Variants in AKAP8L observed in about 807,000 individuals in gnomAD.
AKAP8L encodes the protein A-kinase anchoring protein 8 like, also known as A-kinase anchor protein 8-like.
AKAP8L carries 34 observed loss-of-function variants against 77.5 expected under a neutral mutation model. That is an observed-to-expected ratio of 0.44 (90% CI 0.33 to 0.58). AKAP8L has a LOEUF of 0.58. AKAP8L is among the 20% of genes least tolerant of loss of function. The probability of loss-of-function intolerance (pLI) is 0.02; values close to 1 mark genes in which losing one functional copy is unlikely to be tolerated. For synonymous variants in AKAP8L, 342 were observed against 340.7 expected (o/e 1.00, Z -0.04); for missense variants, 806 against 887.6 (o/e 0.91, Z 1.17).
chr19:15,392,317 G>T (rs1967679873), intron 12 of AKAP8L, among the ~76,000 whole-genome samples: 2 of 151,956 alleles, frequency 1.3e-5, no homozygotes. Flanking sequence ...GCAACATGGT[G>T]AAACCCTGTC....
rs572718257 is a variant in AKAP8L at position 15,384,363 on chromosome 19, G to A, written c.1537-3751C>T. Among the ~76,000 whole-genome samples, 181 of 147,456 alleles carry A rather than the reference G, an allele frequency of 1.2e-3. 1 individual carries two copies. Among genetic ancestry groups the A allele is most frequent in the African/African-American group, 4.3e-3 (172 of 39,698 alleles). ...TGCCCAGGCTGGAGTGCAATGGCGCGATCTTGGCTCACTGCAACCTCCGCC... is the reference window on the plus strand; with the variant it reads ...TGCCCAGGCTGGAGTGCAATGGCGCAATCTTGGCTCACTGCAACCTCCGCC... On this transcript the variant is annotated intron_variant, in intron 12 of 13. Transcript: ENST00000397410.
At position 15,403,743 on chromosome 19, in the gene AKAP8L, G is replaced by C. The variant is rs1425004623; in HGVS notation, c.122-28C>G. 1.3e-6 allele frequency: 2 copies of C among 1,526,614 alleles called. No homozygotes were observed. Among genetic ancestry groups the C allele is most frequent in the East Asian group, 4.9e-5 (2 of 41,146 alleles). 94.6% of individuals were successfully genotyped at this position (1,526,614 alleles called of 1,614,324 possible). A position where few individuals can be genotyped will look rare whatever the true frequency, so the allele number is the denominator to read the frequency against. ...GCAGTGAGGGAGACAGAGACAGACAGATGGTGGGGGCAGGCAGAGGGGAGG... is the reference window on the plus strand; with the variant it reads ...GCAGTGAGGGAGACAGAGACAGACACATGGTGGGGGCAGGCAGAGGGGAGG... On this transcript the variant is annotated intron_variant, in intron 3 of 13. Coordinates refer to ENST00000397410, the MANE Select transcript of AKAP8L (RefSeq NM_014371.4). The surrounding 1 kb of genome is among the most constrained non-coding windows in gnomAD (Gnocchi z 4.3).
chr19:15,405,908 C>T (rs1291103316), intron 2 of AKAP8L, among the ~76,000 whole-genome samples: 2 of 150,620 alleles, frequency 1.3e-5, no homozygotes, highest in African/African-American at 2.4e-5. Flanking sequence ...GGCGACCGAG[C>T]GAGACTCTGT....
intron 2 of AKAP8L, among the ~76,000 whole-genome samples, chr19:15,407,548 G>A (rs920788935): frequency 6.6e-6 from 1 of 152,182 alleles, no homozygotes; most frequent in Non-Finnish European, 1.5e-5. Flanking sequence ...AGGTCAATCT[G>A]TAAGTCAAAT....
chr19:15,392,443 G>A (rs1372259690), intron 12 of AKAP8L, among the ~76,000 whole-genome samples: 3 of 151,660 alleles, frequency 2.0e-5, no homozygotes, highest in African/African-American at 7.3e-5. Flanking sequence ...GCTGTAGTGA[G>A]TCATGATGGT....
chr19:15,380,245 C>T lies in AKAP8L; in HGVS notation c.1818G>A (p.Pro606=). ...APGAVSPPPP[P]PPEEEEEGAV... Reference sequence around the variant, plus strand: ...CGCCCTCCTCCTCCTCCTCTGGGGGCGGCGGCGGTGGCGGCGACACGGCCC... The same window carrying T: ...CGCCCTCCTCCTCCTCCTCTGGGGGTGGCGGCGGTGGCGGCGACACGGCCC... The change falls in exon 14 of 14, where the codon CCG becomes CCA. Residue 606 remains proline (P), a synonymous_variant. Coordinates refer to ENST00000397410, the MANE Select transcript of AKAP8L (RefSeq NM_014371.4). The T allele has an allele frequency of 6.7e-7, 1 of 1,498,692 alleles. No homozygotes were observed. Among genetic ancestry groups the T allele is most frequent in the East Asian group, 2.7e-5 (1 of 37,552 alleles). The allele number at this position is 1,498,692 out of a possible 1,614,324, so 92.8% of individuals were successfully genotyped here. A position where few individuals can be genotyped will look rare whatever the true frequency, so the allele number is the denominator to read the frequency against.
chr19:15,386,858 G>C (rs1484299432), intron 12 of AKAP8L, among the ~76,000 whole-genome samples: 2 of 152,022 alleles, frequency 1.3e-5, no homozygotes, highest in Admixed American at 6.6e-5. Flanking sequence ...GGGGTTTCAC[G>C]ATGTTGTCCA....
chr19:15,401,062 A>G lies in AKAP8L; in HGVS notation c.817-19T>C. ...TCTTGGTCTGGGTCATAAGGGGGGG[A>G]AGCCGTGTCAGGGTGCATGGCACCC... On this transcript the variant is annotated intron_variant, in intron 5 of 13. Transcript: ENST00000397410. This position sits in a 1 kb window ranked among gnomAD's most constrained non-coding sequence, Gnocchi z 6.2. 1 of 1,610,138 alleles carries G rather than the reference A, an allele frequency of 6.2e-7. No individual in the cohort carries two copies. The highest frequency in any genetic ancestry group is 8.5e-7 in the Non-Finnish European group (1 of 1,179,754).
rs780723512 is a variant in AKAP8L, at chr19:15,403,654, A to G, written c.183T>C (p.Tyr61=). The G allele has an allele frequency of 4.3e-6, 7 of 1,613,340 alleles. No individual in the cohort carries two copies. The highest frequency in any genetic ancestry group is 5.9e-6 in the Non-Finnish European group (7 of 1,179,614). The change falls in exon 4 of 14, where the codon TAT becomes TAC. Residue 61 remains tyrosine, a synonymous_variant. Transcript: ENST00000397410. This position sits in a 1 kb window ranked among gnomAD's most constrained non-coding sequence, Gnocchi z 4.3. ...CCCAAGAGTGTGAAGTGGCCATACC[A>G]TACCCATAGTTGGTGGTGTTATCCT... is the stretch of plus-strand genomic sequence containing the variant. The part of the protein sequence containing the change: ...YGQDNTTNYG[Y]GMATSHSWEM...
chr19:15,415,361 AG>A (rs1968184068), intron 1 of AKAP8L, among the ~76,000 whole-genome samples: 1 of 151,980 alleles, frequency 6.6e-6, no homozygotes, highest in Non-Finnish European at 1.5e-5. Context: ...TGAGCACAGG[AG>A]GGCGAGGCTG....
intron 1 of AKAP8L, among the ~76,000 whole-genome samples, chr19:15,411,126 T>C (rs1166289616): frequency 6.6e-6 from 1 of 152,124 alleles, no homozygotes; most frequent in Non-Finnish European, 1.5e-5. Flanking sequence ...AAATAAAAAT[T>C]TTTAAACATT....
chr19:15,391,231 CG>C (rs1967652131), intron 12 of AKAP8L, among the ~76,000 whole-genome samples: 1 of 151,812 alleles, frequency 6.6e-6, no homozygotes, highest in Admixed American at 6.6e-5. Context: ...GAGGCCGAGG[CG>C]GGTGGATCAT....
chr19:15,380,515 A>C lies in AKAP8L; in HGVS notation c.1632+2T>G. The C allele has an allele frequency of 6.2e-7, 1 of 1,613,826 alleles. No individual in the cohort carries two copies. Among genetic ancestry groups the C allele is most frequent in the Non-Finnish European group, 8.5e-7 (1 of 1,179,880 alleles). ...CAGGGCAGGCCCGGACCAGTGCCTC[A>C]CCTTCAGGTAGCGCTCCAGCTTCTT... On this transcript the variant is annotated splice_donor_variant, in intron 13 of 13. Coordinates refer to ENST00000397410, the MANE Select transcript of AKAP8L (RefSeq NM_014371.4). LOFTEE classifies it high-confidence loss of function.
At chr19:15,384,422 CCT>C (rs1258452507) in intron 12 of AKAP8L, among the ~76,000 whole-genome samples, 6 of 151,704 alleles carry the variant, frequency 4.0e-5, no homozygotes, top group African/African-American at 7.3e-5. Context: ...GCCTCAGCCC[CCT>C]GAGTAGCTGA....
At chr19:15,391,085 G>A (rs1967649557) in intron 12 of AKAP8L, among the ~76,000 whole-genome samples, 1 of 152,110 alleles carries the variant, frequency 6.6e-6, no homozygotes, top group South Asian at 2.1e-4. Context: ...AAGAAATAAA[G>A]TGCATCTAGA....
intron 8 of AKAP8L, chr19:15,400,076 G>T: frequency 1.7e-6 from 1 of 602,442 alleles, no homozygotes; most frequent in South Asian, 2.0e-5. Flanking sequence ...GCTAGGCAGG[G>T]GTCACCACCA....
chr19:15,408,764 C>G (rs565866772), intron 2 of AKAP8L, among the ~76,000 whole-genome samples: 1 of 146,436 alleles, frequency 6.8e-6, no homozygotes, highest in Non-Finnish European at 1.5e-5. Flanking sequence ...GGCAACTGCT[C>G]GGGAGGCTGA....
chr19:15,403,942 C>A lies in AKAP8L; in HGVS notation c.121+68G>T, dbSNP rs1967950383. On this transcript the variant is annotated intron_variant, in intron 3 of 13. Coordinates refer to ENST00000397410, the MANE Select transcript of AKAP8L (RefSeq NM_014371.4). This position sits in a 1 kb window ranked among gnomAD's most constrained non-coding sequence, Gnocchi z 4.3. The stretch of plus-strand genomic sequence containing the variant: ...CACTCCCAACCTTGGCCAAGCAGGG[C>A]AGTGGCAGAGAAACACAGCCAGGAC... 6.4e-7 allele frequency: 1 copy of A among 1,572,592 alleles called. No homozygotes were observed. The highest frequency in any genetic ancestry group is 8.7e-7 in the Non-Finnish European group (1 of 1,144,992).
intron 2 of AKAP8L, among the ~76,000 whole-genome samples, chr19:15,410,147 T>G (rs537462070): frequency 1.3e-5 from 2 of 152,158 alleles, no homozygotes; most frequent in Non-Finnish European, 2.9e-5. Flanking sequence ...TTCACCATGT[T>G]GGCCAGGATG....
Sources: gnomAD v4.1 joint callset for allele counts (sites outside exome capture counted in the v4.1 genomes callset) on GRCh38, gnomAD v4.1.1 for gene constraint, Gnocchi (gnomAD v3.1) non-coding constraint, MANE v1.5 for transcripts, NCBI Gene and HGNC (gene_info 2026-07-23, HGNC 2026-07-21) for gene names.